FSTL5: variants seen among roughly 807,000 people sequenced by gnomAD.
The protein encoded by FSTL5 is follistatin-related protein 5.
Under a neutral mutation model 89.1 loss-of-function variants are expected in FSTL5, and 62 were observed. The ratio of observed to expected loss-of-function variants is 0.70; its 90% confidence interval spans 0.57 to 0.86. FSTL5 has a LOEUF of 0.86. Among genes scored for constraint, FSTL5 ranks in the 40% least tolerant of loss-of-function variants. The probability of loss-of-function intolerance (pLI) is 0.00; values close to 1 mark genes in which losing one functional copy is unlikely to be tolerated. For synonymous variants in FSTL5, 383 were observed against 346.2 expected (o/e 1.11, Z -1.18); for missense variants, 1,057 against 1,001.6 (o/e 1.06, Z -0.75).
intron 3 of FSTL5, among the ~76,000 whole-genome samples, chr4:161,958,525 T>G (rs1002136931): frequency 6.6e-6 from 1 of 152,154 alleles, no homozygotes; most frequent in Non-Finnish European, 1.5e-5. Flanking sequence ...TTTATTACTT[T>G]TTAAGTTTTA....
chr4:161,539,779 C>A (rs192328345), intron 9 of FSTL5, among the ~76,000 whole-genome samples: 1 of 152,152 alleles, frequency 6.6e-6, no homozygotes, highest in East Asian at 1.9e-4. Context: ...AGACAGCTAT[C>A]TAGATATGGT....
At chr4:161,488,524 C>A (rs1163738025) in intron 12 of FSTL5, among the ~76,000 whole-genome samples, 1 of 151,892 alleles carries the variant, frequency 6.6e-6, no homozygotes, top group South Asian at 2.1e-4. Context: ...TTAAAAAAAA[C>A]AGGCTTTGAG....
chr4:162,004,620 C>T (rs1039967170), intron 3 of FSTL5, among the ~76,000 whole-genome samples: 9 of 152,134 alleles, frequency 5.9e-5, no homozygotes, highest in Admixed American at 3.3e-4. Context: ...ACCATCAGAC[C>T]ACATTTCTTA....
chr4:162,150,711 T>A (rs1733193369), intron 1 of FSTL5, among the ~76,000 whole-genome samples: 1 of 152,206 alleles, frequency 6.6e-6, no homozygotes, highest in Admixed American at 6.5e-5. Flanking sequence ...CTAGTCTGAA[T>A]GTATTGATGT....
chr4:161,468,423 A>G (rs969824404), intron 13 of FSTL5, among the ~76,000 whole-genome samples: 1 of 152,114 alleles, frequency 6.6e-6, no homozygotes, highest in African/African-American at 2.4e-5. Context: ...GAGAATACAC[A>G]GTGACTATTA....
chr4:161,662,886 G>T (rs967578839), intron 6 of FSTL5, among the ~76,000 whole-genome samples: 6 of 152,142 alleles, frequency 3.9e-5, no homozygotes, highest in African/African-American at 1.4e-4. Context: ...TGGACTTACA[G>T]TTCCACAGAT....
intron 4 of FSTL5, among the ~76,000 whole-genome samples, chr4:161,905,224 A>C (rs1030626309): frequency 6.6e-6 from 1 of 152,154 alleles, no homozygotes; most frequent in Admixed American, 6.5e-5. Flanking sequence ...CTTTAAAATT[A>C]AAAAAAGATT....
intron 3 of FSTL5, among the ~76,000 whole-genome samples, chr4:161,985,210 C>G (rs1414085521): frequency 6.6e-6 from 1 of 151,956 alleles, no homozygotes; most frequent in African/African-American, 2.4e-5. Context: ...AAAATGCCAT[C>G]AGGGTTGATT....
chr4:161,694,236 A>G (rs566896984), intron 6 of FSTL5, among the ~76,000 whole-genome samples: 5 of 152,248 alleles, frequency 3.3e-5, no homozygotes, highest in African/African-American at 1.2e-4. Flanking sequence ...CTATATAGAG[A>G]AAGAAATAAT....
chr4:161,946,349 A>G (rs1018476673), intron 3 of FSTL5, among the ~76,000 whole-genome samples: 1 of 152,204 alleles, frequency 6.6e-6, no homozygotes, highest in African/African-American at 2.4e-5. Flanking sequence ...TAACAAAGTT[A>G]CTCAGTTATG....
intron 3 of FSTL5, among the ~76,000 whole-genome samples, chr4:162,031,960 T>C (rs1367172171): frequency 6.6e-6 from 1 of 151,858 alleles, no homozygotes; most frequent in Non-Finnish European, 1.5e-5. Context: ...AAGTTAGAAG[T>C]CTAAAAGCCA....
intron 4 of FSTL5, among the ~76,000 whole-genome samples, chr4:161,879,836 C>A (rs2126909407): frequency 6.6e-6 from 1 of 152,310 alleles, no homozygotes; most frequent in Non-Finnish European, 1.5e-5. Flanking sequence ...TTACACTTAC[C>A]ACTATCCAGC....
At chr4:162,011,496 CT>C (rs913416967) in intron 3 of FSTL5, among the ~76,000 whole-genome samples, 6 of 149,526 alleles carry the variant, frequency 4.0e-5, no homozygotes, top group Admixed American at 6.7e-5. Flanking sequence ...TGTTATTTTA[CT>C]TTTTTTTTTC....
At chr4:161,593,430 C>T (rs997642380) in intron 7 of FSTL5, among the ~76,000 whole-genome samples, 3 of 151,580 alleles carry the variant, frequency 2.0e-5, no homozygotes, top group Non-Finnish European at 2.9e-5. Context: ...AACAAGAACA[C>T]GATTATGGAG....
intron 7 of FSTL5, among the ~76,000 whole-genome samples, chr4:161,644,861 AC>A (rs1232129686): frequency 6.6e-6 from 1 of 152,184 alleles, no homozygotes; most frequent in Non-Finnish European, 1.5e-5. Context: ...TAAGGCAGCT[AC>A]AGTGGAAATA....
At chr4:161,814,036 G>A (rs1414984952) in intron 4 of FSTL5, among the ~76,000 whole-genome samples, 1 of 151,954 alleles carries the variant, frequency 6.6e-6, no homozygotes, top group African/African-American at 2.4e-5. Context: ...AAAAAGAAGA[G>A]AGGAAAAGAG....
chr4:162,041,321 G>A (rs983623161), intron 2 of FSTL5, among the ~76,000 whole-genome samples: 18 of 151,848 alleles, frequency 1.2e-4, no homozygotes, highest in African/African-American at 4.1e-4. Flanking sequence ...TGATAAGACT[G>A]CAAAACAGCA....
At chr4:161,912,673 A>G (rs974920388) in intron 4 of FSTL5, among the ~76,000 whole-genome samples, 2 of 152,174 alleles carry the variant, frequency 1.3e-5, no homozygotes, top group African/African-American at 4.8e-5. Flanking sequence ...AATTGGTACC[A>G]GTAGAGTAGT....
intron 2 of FSTL5, among the ~76,000 whole-genome samples, chr4:162,056,513 T>G (rs1738548131): frequency 6.6e-6 from 1 of 152,140 alleles, no homozygotes; most frequent in Non-Finnish European, 1.5e-5. Flanking sequence ...CTTTATATGA[T>G]GTATGCGGTA....
Sources: allele counts gnomAD v4.1 joint callset (sites outside exome capture counted in the v4.1 genomes callset), GRCh38; gene constraint gnomAD v4.1.1; transcripts MANE v1.5; gene names NCBI Gene and HGNC (gene_info 2026-07-23, HGNC 2026-07-21).